CLPTM1L: variants seen among roughly 807,000 people sequenced by gnomAD.
CLPTM1L encodes the protein CLPTM1 like.
In CLPTM1L, 38 loss-of-function variants were observed where a neutral mutation model predicts 70.9. The observed-to-expected ratio is 0.54, with a 90% CI of 0.41 to 0.70. The LOEUF (loss-of-function observed/expected upper bound fraction) is 0.70. Ranked by LOEUF, CLPTM1L falls within the 30% of genes least tolerant of loss-of-function variation. The pLI is 0.00. For missense variants in CLPTM1L, 652 were observed against 705.9 expected (o/e 0.92, Z 0.87); for synonymous variants, 339 against 299.9 (o/e 1.13, Z -1.35).
At chr5:1,333,244 T>G (rs146145607) in intron 7 of CLPTM1L, among the ~76,000 whole-genome samples, 5 of 36,886 alleles carry the variant, frequency 1.4e-4, no homozygotes, top group East Asian at 1.3e-3. Flanking sequence ...GACTACTGTA[T>G]ACACACCAGA....
At chr5:1,331,716 T>C in intron 8 of CLPTM1L, 83 bp downstream of exon 8, 3 of 1,179,716 alleles carry the variant, frequency 2.5e-6, no homozygotes, top group Non-Finnish European at 3.8e-6. Flanking sequence ...CAGCCAGCAG[T>C]GAGGCAGGCA....
At chr5:1,326,162 C>T (rs545440700) in intron 9 of CLPTM1L, 12 of 317,662 alleles carry the variant, frequency 3.8e-5, no homozygotes, top group East Asian at 6.4e-5. Context: ...GTTTTGGGAC[C>T]GCTCTGAGAG....
chr5:1,344,925 G>T lies in CLPTM1L; in HGVS notation c.-84C>A. 2 of 808,152 alleles carry T rather than the reference G, an allele frequency of 2.5e-6. No homozygotes were observed. Among genetic ancestry groups the T allele is most frequent in the African/African-American group, 2.0e-5 (1 of 48,992 alleles). The allele number at this position is 808,152 out of a possible 1,614,324, so 50.1% of individuals were successfully genotyped here. On this transcript the variant is annotated 5_prime_UTR_variant, in exon 1 of 17. Coordinates refer to ENST00000320895, the MANE Select transcript of CLPTM1L (RefSeq NM_030782.5). The stretch of plus-strand genomic sequence containing the variant: ...CCCGGCGCCCAGCCCGCCGCTCCGG[G>T]CTCCGCCGCTCACTGGAGAGCCGCC...
At chr5:1,319,404 G>A (rs1251167380) in intron 16 of CLPTM1L, among the ~76,000 whole-genome samples, 1 of 152,132 alleles carries the variant, frequency 6.6e-6, no homozygotes, top group African/African-American at 2.4e-5. Context: ...GGGCAAGGGC[G>A]GCCATGAGCC....
rs536549873 is a variant in CLPTM1L at position 1,342,052 on chromosome 5, G to A, written c.264-192C>T. Among the ~76,000 whole-genome samples the A allele has an allele frequency of 2.0e-5, 3 of 149,450 alleles. No individual in the cohort carries two copies. Among genetic ancestry groups the A allele is most frequent in the African/African-American group, 5.1e-5 (2 of 39,374 alleles). Reference sequence around the variant, plus strand: ...TGTGTGTGTGTGTGCACGCGCACGCGTGCGCGTCCTGAGAACTCGGCACAG... The same window carrying A: ...TGTGTGTGTGTGTGCACGCGCACGCATGCGCGTCCTGAGAACTCGGCACAG... On this transcript the variant is annotated intron_variant, in intron 2 of 16. Transcript: ENST00000320895. This position sits in a 1 kb window ranked among gnomAD's most constrained non-coding sequence, Gnocchi z 4.3.
At chr5:1,327,438 C>A (rs532445108) in intron 9 of CLPTM1L, among the ~76,000 whole-genome samples, 2 of 146,706 alleles carry the variant, frequency 1.4e-5, no homozygotes, top group Admixed American at 1.3e-4. Flanking sequence ...ATATTTCATC[C>A]AGCTCCTCCT....
At chr5:1,344,656 G>A in intron 1 of CLPTM1L, 24 bp downstream of exon 1, 1 of 1,544,438 alleles carries the variant, frequency 6.5e-7, no homozygotes, top group Non-Finnish European at 8.7e-7. Context: ...AACCCGCCCG[G>A]CCCCCGGCCC....
Position 1,332,840 on chromosome 5 carries a change from T to C in CLPTM1L, c.892-957A>G, listed in dbSNP as rs138382528. Among the ~76,000 whole-genome samples the C allele has an allele frequency of 6.6e-5, 10 of 152,376 alleles. No homozygotes were observed. In the East Asian group the frequency reaches 1.7e-3, roughly 26 times the overall value. On this transcript the variant is annotated intron_variant, in intron 7 of 16. Coordinates refer to ENST00000320895, the MANE Select transcript of CLPTM1L (RefSeq NM_030782.5). ...TAATACATATATTCATTCATTACGTTATTTGATACACATATTCAGACATCC... is the reference window on the plus strand; with the variant it reads ...TAATACATATATTCATTCATTACGTCATTTGATACACATATTCAGACATCC...
At chr5:1,333,048 C>G (rs1579640866) in intron 7 of CLPTM1L, among the ~76,000 whole-genome samples, 1 of 113,394 alleles carries the variant, frequency 8.8e-6, no homozygotes, top group African/African-American at 3.6e-5. Flanking sequence ...CTACTGTATA[C>G]ACACCGGATG....
At position 1,331,590 on chromosome 5, in the gene CLPTM1L, T is replaced by TGAGCCGTGCAGCCTCTGATGGTCCC. The variant is rs1488360009; in HGVS notation, c.976+184_976+208dup. On this transcript the variant is annotated intron_variant, in intron 8 of 16. Transcript: ENST00000320895. Reference sequence around the variant, plus strand: ...TGAGCTGTGCAGCCGCTGGAGGCCCTGAGCCGTGCAGCCTCTGATGGTCCC... The same window carrying TGAGCCGTGCAGCCTCTGATGGTCCC: ...TGAGCTGTGCAGCCGCTGGAGGCCCTGAGCCGTGCAGCCTCTGATGGTCCCGAGCCGTGCAGCCTCTGATGGTCCC... 168 of 569,322 alleles carry TGAGCCGTGCAGCCTCTGATGGTCCC rather than the reference T, an allele frequency of 3.0e-4. 1 individual carries two copies. The highest frequency in any genetic ancestry group is 2.9e-3 in the African/African-American group (156 of 53,376). The allele number at this position is 569,322 out of a possible 1,614,324, so 35.3% of individuals were successfully genotyped here. A position where few individuals can be genotyped will look rare whatever the true frequency, so the allele number is the denominator to read the frequency against.
At chr5:1,335,732 G>A (rs986289742) in intron 5 of CLPTM1L, among the ~76,000 whole-genome samples, 1 of 150,472 alleles carries the variant, frequency 6.6e-6, no homozygotes, top group Admixed American at 6.6e-5. Flanking sequence ...TCAGAACCAC[G>A]AGCTTAGTCC....
intron 9 of CLPTM1L, among the ~76,000 whole-genome samples, chr5:1,328,914 T>G (rs145806562): frequency 5.5e-5 from 8 of 144,598 alleles, no homozygotes; most frequent in Non-Finnish European, 1.1e-4. Context: ...CAGACACATT[T>G]CATCCAGCTC....
chr5:1,334,955 G>C (rs1753469111), intron 6 of CLPTM1L, 102 bp downstream of exon 6: 1 of 761,406 alleles, frequency 1.3e-6, no homozygotes, highest in Non-Finnish European at 2.3e-6. Flanking sequence ...AGGATCTGCA[G>C]CAGGAGGCGA....
At chr5:1,339,228 C>A (rs1442517058) in intron 3 of CLPTM1L, among the ~76,000 whole-genome samples, 1 of 143,258 alleles carries the variant, frequency 7.0e-6, no homozygotes, top group Non-Finnish European at 1.5e-5. Flanking sequence ...AGAACGGCCA[C>A]ACAGACGGGC....
Position 1,333,907 on chromosome 5 carries a change from C to T in CLPTM1L, c.891+382G>A, listed in dbSNP as rs376845521. ...CTACTTTCTGCTAGAGGCTGCCCAG[C>T]TCCGCCCCTGGCTCTGCATGGGGTC... On this transcript the variant is annotated intron_variant, in intron 7 of 16. Coordinates refer to ENST00000320895, the MANE Select transcript of CLPTM1L (RefSeq NM_030782.5). Among the ~76,000 whole-genome samples, 326 of 152,228 alleles carry T rather than the reference C, an allele frequency of 2.1e-3. 3 individuals are homozygous for T. Among genetic ancestry groups the T allele is most frequent in the African/African-American group, 6.8e-3 (282 of 41,514 alleles).
chr5:1,337,593 G>A (rs921610026), intron 5 of CLPTM1L, among the ~76,000 whole-genome samples: 3 of 152,186 alleles, frequency 2.0e-5, no homozygotes, highest in African/African-American at 4.8e-5. Context: ...TGTTTCACAC[G>A]GTGCTCATGT....
chr5:1,334,474 C>T (rs188426545), intron 6 of CLPTM1L, 91 bp from the exon 7 acceptor site: 11 of 931,924 alleles, frequency 1.2e-5, no homozygotes, highest in Admixed American at 4.4e-5. Flanking sequence ...AAAATTTAGG[C>T]CGGGCGCAGT....
At chr5:1,344,313 G>A (rs948646132) in intron 2 of CLPTM1L, 38 bp downstream of exon 2, 10 of 1,345,676 alleles carry the variant, frequency 7.4e-6, no homozygotes, top group Middle Eastern at 1.8e-4. Flanking sequence ...CATGAGTAAT[G>A]TTTTCCCTTT....
chr5:1,333,900 T>C (rs1417923388), intron 7 of CLPTM1L, among the ~76,000 whole-genome samples: 2 of 152,094 alleles, frequency 1.3e-5, no homozygotes, highest in African/African-American at 4.8e-5. Flanking sequence ...TGCTAGAGGC[T>C]GCCCAGCTCC....
Sources: gnomAD v4.1 joint callset for allele counts (sites outside exome capture counted in the v4.1 genomes callset) on GRCh38, gnomAD v4.1.1 for gene constraint, Gnocchi (gnomAD v3.1) non-coding constraint, MANE v1.5 for transcripts, NCBI Gene and HGNC (gene_info 2026-07-23, HGNC 2026-07-21) for gene names.